Variants in FAM81A observed in about 807,000 individuals in gnomAD.
The protein encoded by FAM81A is family with sequence similarity 81 member A.
A neutral mutation model predicts 46.7 loss-of-function variants in FAM81A; 19 were observed. The observed-to-expected ratio is 0.41, with a 90% CI of 0.28 to 0.60. The LOEUF (loss-of-function observed/expected upper bound fraction) is 0.60. Ranked by LOEUF, FAM81A falls within the 20% of genes least tolerant of loss-of-function variation. The pLI is 0.34. For missense variants in FAM81A, 377 were observed against 453.5 expected (o/e 0.83, Z 1.53); for synonymous variants, 183 against 152.9 (o/e 1.20, Z -1.45).
chr15:59,490,660 C>T (rs2081971084), intron 3 of FAM81A, among the ~76,000 whole-genome samples: 1 of 152,010 alleles, frequency 6.6e-6, no homozygotes, highest in African/African-American at 2.4e-5. Flanking sequence ...GGTGAAACTC[C>T]ATCTCTACTA....
chr15:59,485,152 A>G (rs1409065388), intron 3 of FAM81A, among the ~76,000 whole-genome samples: 1 of 152,200 alleles, frequency 6.6e-6, no homozygotes, highest in Admixed American at 6.5e-5. Flanking sequence ...AGGCACCTGG[A>G]CAGCCTCTCT....
At chr15:59,399,876 A>G (rs1169712436) in intron 1 of FAM81A, among the ~76,000 whole-genome samples, 1 of 151,996 alleles carries the variant, frequency 6.6e-6, no homozygotes, top group African/African-American at 2.4e-5. Context: ...TAGCCTTGTT[A>G]AGAAAGCCCC....
intron 8 of FAM81A, among the ~76,000 whole-genome samples, chr15:59,519,519 T>C (rs576319537): frequency 6.9e-6 from 1 of 145,822 alleles, no homozygotes; most frequent in South Asian, 2.3e-4. Flanking sequence ...TCTCTCTTTC[T>C]TTCCTTTCTT....
At chr15:59,406,118 A>G (rs1316305114) in intron 2 of FAM81A, among the ~76,000 whole-genome samples, 3 of 152,224 alleles carry the variant, frequency 2.0e-5, no homozygotes, top group Non-Finnish European at 4.4e-5. Flanking sequence ...TGGGTCTGAG[A>G]GTCTGAAAGA....
chr15:59,433,272 A>T (rs1348197917), upstream of FAM81A, among the ~76,000 whole-genome samples: 1 of 151,922 alleles, frequency 6.6e-6, no homozygotes, highest in African/African-American at 2.4e-5. Context: ...TCTGGCCACA[A>T]ACTCTTTGTA....
At chr15:59,467,447 G>A (rs960811058) in intron 3 of FAM81A, among the ~76,000 whole-genome samples, 8 of 152,132 alleles carry the variant, frequency 5.3e-5, no homozygotes, top group Non-Finnish European at 1.0e-4. Context: ...TGGATTCCTA[G>A]GTATTTTATT....
intron 3 of FAM81A, among the ~76,000 whole-genome samples, chr15:59,478,426 A>G (rs545076992): frequency 1.3e-5 from 2 of 152,350 alleles, no homozygotes; most frequent in Admixed American, 1.3e-4. Context: ...GGGCTTTACT[A>G]ACATGGGAAA....
At chr15:59,488,248 C>T (rs1384993338) in intron 3 of FAM81A, among the ~76,000 whole-genome samples, 1 of 152,066 alleles carries the variant, frequency 6.6e-6, no homozygotes, top group Non-Finnish European at 1.5e-5. Flanking sequence ...CCTCAAAAAA[C>T]TAGGTATACA....
At chr15:59,419,116 T>C (rs1342946663) in intron 2 of FAM81A, among the ~76,000 whole-genome samples, 1 of 152,214 alleles carries the variant, frequency 6.6e-6, no homozygotes. Flanking sequence ...AGTTCGATTA[T>C]CTGTAGGCCT....
chr15:59,470,907 C>T (rs1395211647), intron 3 of FAM81A, among the ~76,000 whole-genome samples: 1 of 152,110 alleles, frequency 6.6e-6, no homozygotes, highest in Non-Finnish European at 1.5e-5. Context: ...ACTGCAGCCT[C>T]AACCTCCTGG....
chr15:59,447,545 G>A lies in FAM81A; in HGVS notation c.-78+9263G>A, dbSNP rs577923420. On this transcript the variant is annotated intron_variant, in intron 1 of 8. Transcript: ENST00000288228. The stretch of plus-strand genomic sequence containing the variant: ...TCATTTCCTTTGCACATAATTTGGA[G>A]GCACTTCCTCAATTGGGACAGTGTG... 5.3e-5 allele frequency among the ~76,000 whole-genome samples: 8 copies of A among 152,294 alleles called. No homozygotes were observed. In the South Asian group the frequency reaches 1.4e-3, roughly 28 times the overall value.
intron 2 of FAM81A, among the ~76,000 whole-genome samples, chr15:59,410,691 G>A (rs1335515045): frequency 6.6e-6 from 1 of 152,252 alleles, no homozygotes; most frequent in Non-Finnish European, 1.5e-5. Flanking sequence ...GTTAGAAAAT[G>A]CATTTGAACA....
At chr15:59,498,182 A>G (rs1463487564) in intron 4 of FAM81A, among the ~76,000 whole-genome samples, 1 of 152,232 alleles carries the variant, frequency 6.6e-6, no homozygotes, top group Non-Finnish European at 1.5e-5. Flanking sequence ...ACAAATGTGG[A>G]TATCTTTCCA....
chr15:59,465,678 T>C (rs1248632415), intron 3 of FAM81A, among the ~76,000 whole-genome samples: 1 of 152,200 alleles, frequency 6.6e-6, no homozygotes, highest in Admixed American at 6.5e-5. Context: ...CTTTTTGTTT[T>C]CTTTCCTTTT....
chr15:59,509,687 C>T (rs532586872), intron 6 of FAM81A, among the ~76,000 whole-genome samples: 25 of 152,138 alleles, frequency 1.6e-4, no homozygotes, highest in Non-Finnish European at 2.9e-4. Context: ...TGGGGCCTTC[C>T]TGAGGAAGGG....
intron 3 of FAM81A, among the ~76,000 whole-genome samples, chr15:59,480,691 A>G (rs1196941367): frequency 3.3e-5 from 5 of 152,194 alleles, no homozygotes; most frequent in Non-Finnish European, 7.3e-5. Context: ...AGCACACAGT[A>G]GGTGTGCAAA....
At chr15:59,458,978 AT>A (rs2081517504) in intron 2 of FAM81A, among the ~76,000 whole-genome samples, 1 of 152,208 alleles carries the variant, frequency 6.6e-6, no homozygotes, top group African/African-American at 2.4e-5. Flanking sequence ...CATGAAGTAC[AT>A]TGCTTGGCCT....
At chr15:59,427,822 T>C (rs954854618) in intron 2 of FAM81A, among the ~76,000 whole-genome samples, 1 of 152,236 alleles carries the variant, frequency 6.6e-6, no homozygotes, top group Non-Finnish European at 1.5e-5. Context: ...TACACTTAGG[T>C]TGCTTCCAAA....
At chr15:59,503,454 G>C (rs1436505471) in intron 4 of FAM81A, among the ~76,000 whole-genome samples, 1 of 151,832 alleles carries the variant, frequency 6.6e-6, no homozygotes, top group East Asian at 1.9e-4. Flanking sequence ...ATACTATTCT[G>C]CAACATAAGT....
Sources: allele counts gnomAD v4.1 joint callset (sites outside exome capture counted in the v4.1 genomes callset), GRCh38; gene constraint gnomAD v4.1.1; transcripts MANE v1.5; gene names NCBI Gene and HGNC (gene_info 2026-07-23, HGNC 2026-07-21).